DOT1L: variants seen among roughly 807,000 people sequenced by gnomAD.
DOT1L encodes the protein DOT1 like histone lysine methyltransferase, also known as histone-lysine N-methyltransferase, H3 lysine-79 specific.
A neutral mutation model predicts 153.3 loss-of-function variants in DOT1L; 33 were observed. That is an observed-to-expected ratio of 0.22 (90% CI 0.16 to 0.29). The LOEUF (loss-of-function observed/expected upper bound fraction) is 0.29. Ranked by LOEUF, DOT1L falls within the 10% of genes least tolerant of loss-of-function variation. DOT1L has a pLI of 1.00. For synonymous variants in DOT1L, 1,135 were observed against 965.1 expected, an observed-to-expected ratio of 1.18 and a Z score of -3.26; for missense variants, 1,847 against 2,119.9, an observed-to-expected ratio of 0.87 and a Z score of 2.53.
chr19:2,203,177 A>C (rs745872131), intron 9 of DOT1L, among the ~76,000 whole-genome samples: 56 of 152,170 alleles, frequency 3.7e-4, no homozygotes, highest in Admixed American at 7.2e-4. Context: ...ATCTCAGCTT[A>C]CCGCAACCTC....
chr19:2,191,747 G>A lies in DOT1L; in HGVS notation c.493+507G>A, dbSNP rs187623911. Among the ~76,000 whole-genome samples the A allele has an allele frequency of 6.9e-3, 1,045 of 152,098 alleles. 12 individuals carry two copies. Among genetic ancestry groups the A allele is most frequent in the Non-Finnish European group, 8.2e-3 (558 of 67,960 alleles). ...CCTCCCTGCATCCCCAGTCTCCCTC[G>A]GCACCCCTGCGTCTGGGCCGTGCCC... is the stretch of plus-strand genomic sequence containing the variant. On this transcript the variant is annotated intron_variant, in intron 5 of 27. Coordinates refer to ENST00000398665, the MANE Select transcript of DOT1L (RefSeq NM_032482.3). This position sits in a 1 kb window ranked among gnomAD's most constrained non-coding sequence, Gnocchi z 6.8.
chr19:2,175,797 C>T (rs749843408), intron 1 of DOT1L, among the ~76,000 whole-genome samples: 9 of 152,074 alleles, frequency 5.9e-5, no homozygotes, highest in Non-Finnish European at 1.0e-4. Flanking sequence ...GCCATTGAAC[C>T]TGGGAGGTAG....
chr19:2,227,671 C>T lies in DOT1L; in HGVS notation c.4606+544C>T. On this transcript the variant is annotated intron_variant, in intron 27 of 27. Coordinates refer to ENST00000398665, the MANE Select transcript of DOT1L (RefSeq NM_032482.3). ...CGCTTCCCTTTTTGTGAGCCTGCGG[C>T]TGCTGCTCTGCGCTTGCCTGGATGC... 2.0e-5 allele frequency: 25 copies of T among 1,278,136 alleles called. No homozygotes were observed. The South Asian group carries it at 3.0e-4, about 16-fold the overall frequency. The allele number at this position is 1,278,136 out of a possible 1,614,324, so 79.2% of individuals were successfully genotyped here.
chr19:2,181,603 C>A (rs1013615271), intron 2 of DOT1L, among the ~76,000 whole-genome samples: 6 of 152,062 alleles, frequency 3.9e-5, no homozygotes, highest in African/African-American at 1.4e-4. Flanking sequence ...ACCCAGGGTC[C>A]GTGCTTAGAA....
intron 12 of DOT1L, among the ~76,000 whole-genome samples, chr19:2,210,095 T>C (rs985654576): frequency 1.3e-5 from 2 of 152,214 alleles, no homozygotes; most frequent in African/African-American, 4.8e-5. Context: ...TCTCGTCTCC[T>C]GTCTTGGATG....
intron 2 of DOT1L, among the ~76,000 whole-genome samples, chr19:2,184,942 C>A (rs2022421780): frequency 6.6e-6 from 1 of 152,186 alleles, no homozygotes. Context: ...CTTGTCCTTT[C>A]TTTCCAGCCC....
intron 3 of DOT1L, among the ~76,000 whole-genome samples, chr19:2,188,512 C>T (rs1306424097): frequency 1.6e-5 from 2 of 126,536 alleles, no homozygotes; most frequent in East Asian, 2.2e-4. Flanking sequence ...CAGGTGCAGG[C>T]CCCCTCGGCG....
intron 1 of DOT1L, among the ~76,000 whole-genome samples, chr19:2,169,004 C>T (rs1256494084): frequency 1.3e-5 from 2 of 152,138 alleles, no homozygotes; most frequent in Non-Finnish European, 2.9e-5. Context: ...CGGAAAGAAC[C>T]TTCAAAGGCC....
chr19:2,215,191 G>A (rs1445192439), intron 19 of DOT1L, among the ~76,000 whole-genome samples: 1 of 152,232 alleles, frequency 6.6e-6, no homozygotes, highest in Non-Finnish European at 1.5e-5. Context: ...GTTTGAGCCC[G>A]GGAGGTGGAG....
Position 2,193,630 on chromosome 19 carries a change from C to G in DOT1L, c.494-59C>G. 1 of 1,552,768 alleles carries G rather than the reference C, an allele frequency of 6.4e-7. No homozygotes were observed. The highest frequency in any genetic ancestry group is 1.7e-5 in the Admixed American group (1 of 58,620). Reference sequence around the variant, plus strand: ...GTGGCCTCTGTCTCCGAGCCTAGCACGGCCTCCCGGGTGGCATCTGAGCGC... The same window carrying G: ...GTGGCCTCTGTCTCCGAGCCTAGCAGGGCCTCCCGGGTGGCATCTGAGCGC... On this transcript the variant is annotated intron_variant, in intron 5 of 27. Transcript: ENST00000398665. The surrounding 1 kb of genome is among the most constrained non-coding windows in gnomAD (Gnocchi z 5.9).
chr19:2,211,285 G>A (rs1430466867), intron 15 of DOT1L, 73 bp downstream of exon 15: 16 of 1,335,502 alleles, frequency 1.2e-5, no homozygotes, highest in Middle Eastern at 1.9e-4. Flanking sequence ...GGGTTGTGAC[G>A]CTGACCTCGC....
chr19:2,202,262 C>T (rs544616843), intron 8 of DOT1L, among the ~76,000 whole-genome samples: 4 of 152,320 alleles, frequency 2.6e-5, no homozygotes, highest in South Asian at 2.1e-4. Flanking sequence ...ACCTGGGACC[C>T]GTTGTCTGCG....
chr19:2,181,150 C>T (rs1019751792), intron 2 of DOT1L, among the ~76,000 whole-genome samples: 1 of 152,186 alleles, frequency 6.6e-6, no homozygotes, highest in Non-Finnish European at 1.5e-5. Flanking sequence ...AGGCGGAGGC[C>T]GTCCTGTCCT....
At chr19:2,176,311 CA>C (rs2021931729) in intron 1 of DOT1L, among the ~76,000 whole-genome samples, 1 of 152,276 alleles carries the variant, frequency 6.6e-6, no homozygotes, top group South Asian at 2.1e-4. Context: ...ACTCGGGGTG[CA>C]CTGCCTGGTG....
Position 2,197,058 on chromosome 19 carries a change from G to A in DOT1L, c.651+2481G>A, listed in dbSNP as rs371953719. Among the ~76,000 whole-genome samples, 13 of 152,354 alleles carry A rather than the reference G, an allele frequency of 8.5e-5. No homozygotes were observed. The East Asian group carries it at 1.3e-3, about 16-fold the overall frequency. ...TGTTTATCCAAGGTGGGATTCTGCTGGCTGATGGGCCGCTGAGGGGTTTTC... is the reference window on the plus strand; with the variant it reads ...TGTTTATCCAAGGTGGGATTCTGCTAGCTGATGGGCCGCTGAGGGGTTTTC... On this transcript the variant is annotated intron_variant, in intron 7 of 27. Transcript: ENST00000398665. The surrounding 1 kb of genome is among the most constrained non-coding windows in gnomAD (Gnocchi z 4.1).
Position 2,220,579 on chromosome 19 carries a change from G to A in DOT1L, c.2806+357G>A, listed in dbSNP as rs2024080730. The A allele has an allele frequency of 2.2e-6, 1 of 463,878 alleles. No individual in the cohort carries two copies. Among genetic ancestry groups the A allele is most frequent in the East Asian group, 6.4e-5 (1 of 15,542 alleles). 28.7% of individuals were successfully genotyped at this position (463,878 alleles called of 1,614,324 possible). A position where few individuals can be genotyped will look rare whatever the true frequency, so the allele number is the denominator to read the frequency against. The stretch of plus-strand genomic sequence containing the variant: ...GCTCCACACACAGCAGTGCCCAATG[G>A]CACACGACCGTGGGCCTCCGTGCTG... On this transcript the variant is annotated intron_variant, in intron 23 of 27. Transcript: ENST00000398665. This position sits in a 1 kb window ranked among gnomAD's most constrained non-coding sequence, Gnocchi z 4.5.
intron 2 of DOT1L, among the ~76,000 whole-genome samples, chr19:2,181,505 T>C (rs1231504677): frequency 6.6e-6 from 1 of 152,184 alleles, no homozygotes; most frequent in Non-Finnish European, 1.5e-5. Flanking sequence ...GCCCTGTAGT[T>C]CAGTGTTGGG....
chr19:2,190,279 G>A lies in DOT1L; in HGVS notation c.264+484G>A, dbSNP rs1274412041. Among the ~76,000 whole-genome samples, 1 of 152,192 alleles carries A rather than the reference G, an allele frequency of 6.6e-6. No individual in the cohort carries two copies. The highest frequency in any genetic ancestry group is 1.5e-5 in the Non-Finnish European group (1 of 68,018). On this transcript the variant is annotated intron_variant, in intron 4 of 27. Coordinates refer to ENST00000398665, the MANE Select transcript of DOT1L (RefSeq NM_032482.3). The surrounding 1 kb of genome is among the most constrained non-coding windows in gnomAD (Gnocchi z 4.8). Reference sequence around the variant, plus strand: ...AGGACGGGGCACACAGTGAGCTGGGGTGTAGCAGGGAGGGGAACGTGCTGC... The same window carrying A: ...AGGACGGGGCACACAGTGAGCTGGGATGTAGCAGGGAGGGGAACGTGCTGC...
At position 2,211,113 on chromosome 19, in the gene DOT1L, C is replaced by A. The variant is rs1010982338; in HGVS notation, c.1366C>A (p.Pro456Thr). The change falls in exon 15 of 28, where the codon CCT (proline) becomes ACT (threonine). Residue 456 changes from proline to threonine, a missense_variant. By Grantham distance (38) the Pro-to-Thr change is conservative. Transcript: ENST00000398665. ...CGCTCTCCCAGATGCCTACAGATCC[C>A]CTCACAGCCCGTTCTACCAGCTACC... Reference protein sequence around the residue: ...ASSPQDAYRSPHSPFYQLPPS... With the variant: ...ASSPQDAYRSTHSPFYQLPPS... 3.1e-6 allele frequency: 5 copies of A among 1,612,916 alleles called. No homozygotes were observed. Among genetic ancestry groups the A allele is most frequent in the Non-Finnish European group, 4.2e-6 (5 of 1,179,734 alleles).
Sources: gnomAD v4.1 joint callset for allele counts (sites outside exome capture counted in the v4.1 genomes callset) on GRCh38, gnomAD v4.1.1 for gene constraint, Gnocchi (gnomAD v3.1) non-coding constraint, MANE v1.5 for transcripts, NCBI Gene and HGNC (gene_info 2026-07-23, HGNC 2026-07-21) for gene names.